The following DMTF1 variants were observed in gnomAD, a reference collection of about 807,000 sequenced individuals.
DMTF1 encodes the protein cyclin-D-binding Myb-like transcription factor 1.
In DMTF1, 39 loss-of-function variants were observed where a neutral mutation model predicts 91.1. The ratio of observed to expected loss-of-function variants is 0.43; its 90% CI spans 0.33 to 0.56. The LOEUF is 0.56. DMTF1 is among the 20% of genes least tolerant of loss of function. DMTF1 has a pLI of 0.05. For synonymous variants in DMTF1, 338 were observed against 309.5 expected, an observed-to-expected ratio of 1.09 and a Z score of -0.97; for missense variants, 750 against 914.5, an observed-to-expected ratio of 0.82 and a Z score of 2.32.
rs754127004 is a variant in DMTF1 at position 87,195,106 on chromosome 7, C to T, written c.2249C>T (p.Ser750Leu). The change falls in exon 18 of 18, where the codon TCA becomes TTA. Residue 750 changes from serine to leucine, a missense_variant. This residue lies in a region of DMTF1 where 410 missense variants were observed against 420.2 expected (regional missense o/e 0.98). Transcript: ENST00000331242. ...SSLGSPVSEDSKDVEDLVNCH is the reference protein window; with the variant it reads ...SSLGSPVSEDLKDVEDLVNCH ...TTGGGCAGTCCTGTTTCAGAAGATT[C>T]AAAGGATGTCGAAGATTTGGTAAAC... is the stretch of plus-strand genomic sequence containing the variant. 1.2e-6 allele frequency: 2 copies of T among 1,611,542 alleles called. No individual in the cohort carries two copies. Among genetic ancestry groups the T allele is most frequent in the Admixed American group, 1.7e-5 (1 of 59,798 alleles).
At chr7:87,175,167 T>A (rs753530841) in intron 7 of DMTF1, among the ~76,000 whole-genome samples, 2 of 151,932 alleles carry the variant, frequency 1.3e-5, no homozygotes, top group African/African-American at 2.4e-5. Context: ...ATTACAGGCA[T>A]GCACCACCAC....
chr7:87,183,590 T>C (rs1478809688), intron 10 of DMTF1, among the ~76,000 whole-genome samples: 2 of 152,194 alleles, frequency 1.3e-5, no homozygotes, highest in Non-Finnish European at 1.5e-5. Context: ...ATAATGAAAA[T>C]TCAATAAACA....
intron 14 of DMTF1, chr7:87,192,428 T>C (rs767570099): frequency 2.6e-5 from 4 of 152,028 alleles, no homozygotes; most frequent in South Asian, 2.1e-4. Context: ...CCAAACACTT[T>C]CCATGAGAAG....
chr7:87,189,683 C>T (rs1799298045), intron 13 of DMTF1, among the ~76,000 whole-genome samples: 1 of 152,054 alleles, frequency 6.6e-6, no homozygotes, highest in South Asian at 2.1e-4. Flanking sequence ...GGTTAGGGAA[C>T]AGGGATCAGC....
intron 10 of DMTF1, among the ~76,000 whole-genome samples, chr7:87,183,344 A>T (rs1399413022): frequency 1.3e-5 from 2 of 152,232 alleles, no homozygotes; most frequent in Non-Finnish European, 2.9e-5. Context: ...CTGTGAGTAC[A>T]GAACCCCTTT....
chr7:87,160,604 A>G (rs1792068180), intron 1 of DMTF1, among the ~76,000 whole-genome samples: 1 of 151,940 alleles, frequency 6.6e-6, no homozygotes, highest in African/African-American at 2.4e-5. Context: ...CCTACTTCTA[A>G]TTCTGTACAT....
At chr7:87,180,517 G>A (rs917043852) in intron 8 of DMTF1, among the ~76,000 whole-genome samples, 1 of 152,154 alleles carries the variant, frequency 6.6e-6, no homozygotes. Context: ...TTGAGTACTT[G>A]CCTACTGTAA....
intron 8 of DMTF1, among the ~76,000 whole-genome samples, chr7:87,180,621 T>C (rs1433015085): frequency 2.0e-5 from 3 of 152,164 alleles, no homozygotes; most frequent in African/African-American, 7.2e-5. Flanking sequence ...TTTCTGTAGA[T>C]TTTCTTTTTA....
At chr7:87,187,963 C>T in intron 12 of DMTF1, 129 bp from the exon 13 acceptor site, 1 of 626,248 alleles carries the variant, frequency 1.6e-6, no homozygotes, top group Non-Finnish European at 2.8e-6. Flanking sequence ...TTTTTATAAG[C>T]TCTCACATCC....
At position 87,179,422 on chromosome 7, in the gene DMTF1, G is replaced by A. The variant is rs57479987; in HGVS notation, c.520-123G>A. 6.1e-3 allele frequency: 4,045 copies of A among 667,716 alleles called. 138 individuals carry two copies. In the African/African-American group the frequency reaches 0.064, roughly 11 times the overall value. The allele number at this position is 667,716 out of a possible 1,614,324, so 41.4% of individuals were successfully genotyped here. A position where few individuals can be genotyped will look rare whatever the true frequency, so the allele number is the denominator to read the frequency against. On this transcript the variant is annotated intron_variant, in intron 7 of 17. Coordinates refer to ENST00000331242, the MANE Select transcript of DMTF1 (RefSeq NM_001142327.2). ...TTATATTTGATTTATTAATGAATTA[G>A]TGATATATTATTTTTCTAAATGCCG...
intron 5 of DMTF1, among the ~76,000 whole-genome samples, chr7:87,171,634 G>A (rs770042926): frequency 7.9e-5 from 12 of 152,162 alleles, no homozygotes; most frequent in Non-Finnish European, 1.5e-4. Context: ...TAATTTCTAA[G>A]CCTTATATAT....
intron 6 of DMTF1, 31 bp downstream of exon 6, chr7:87,173,680 G>A (rs1230758268): frequency 2.7e-6 from 4 of 1,458,378 alleles, no homozygotes; most frequent in Non-Finnish European, 2.8e-6. Context: ...TTAGTGCCTA[G>A]TGAAAAAAAA....
rs1801082202 is a variant in DMTF1, at chr7:87,195,631, T to C, written c.*491T>C. The C allele has an allele frequency of 6.5e-6, 1 of 153,100 alleles. No homozygotes were observed. Among genetic ancestry groups the C allele is most frequent in the South Asian group, 2.1e-4 (1 of 4,852 alleles). 9.5% of individuals were successfully genotyped at this position (153,100 alleles called of 1,614,324 possible). On this transcript the variant is annotated 3_prime_UTR_variant, in exon 18 of 18. Coordinates refer to ENST00000331242, the MANE Select transcript of DMTF1 (RefSeq NM_001142327.2). ...TTGAGACTTGACCAGCATACAAGTA[T>C]AGAGACCTAGGAGGTGGTCTTGTGG...
intron 10 of DMTF1, 23 bp from the exon 11 acceptor site, chr7:87,184,374 T>A (rs1584409729): frequency 6.2e-7 from 1 of 1,605,794 alleles, no homozygotes; most frequent in Non-Finnish European, 8.5e-7. Context: ...GCAGTGGTAG[T>A]CTGGATGATT....
intron 4 of DMTF1, among the ~76,000 whole-genome samples, chr7:87,167,788 A>G (rs1317379017): frequency 6.6e-6 from 1 of 152,136 alleles, no homozygotes; most frequent in East Asian, 1.9e-4. Flanking sequence ...AATCTTTCCT[A>G]ATTTGACTAT....
intron 1 of DMTF1, among the ~76,000 whole-genome samples, chr7:87,157,401 A>G (rs1170138608): frequency 6.6e-6 from 1 of 152,142 alleles, no homozygotes; most frequent in Admixed American, 6.5e-5. Flanking sequence ...CACTAATAGC[A>G]TCTAAACTCT....
intron 4 of DMTF1, 54 bp from the exon 5 acceptor site, chr7:87,170,941 A>T (rs958700230): frequency 5.0e-6 from 6 of 1,191,448 alleles, no homozygotes; most frequent in Non-Finnish European, 7.4e-6. Context: ...TATTTTTAGA[A>T]TAATTAGAAC....
chr7:87,174,999 CTTTGT>C (rs545263368), intron 7 of DMTF1, among the ~76,000 whole-genome samples: 23 of 150,146 alleles, frequency 1.5e-4, no homozygotes, highest in East Asian at 9.7e-4. Flanking sequence ...AGGTATGCAT[CTTTGT>C]TTTGTTTTGT....
intron 7 of DMTF1, among the ~76,000 whole-genome samples, chr7:87,176,010 G>GA (rs2129122804): frequency 6.6e-6 from 1 of 152,282 alleles, no homozygotes; most frequent in South Asian, 2.1e-4. Flanking sequence ...ATAGTGTTAT[G>GA]TCTAAAATGT....
Sources: gnomAD v4.1 joint callset for allele counts (sites outside exome capture counted in the v4.1 genomes callset) on GRCh38, gnomAD v4.1.1 for gene constraint, gnomAD v4.1.1 regional missense constraint, MANE v1.5 for transcripts, NCBI Gene and HGNC (gene_info 2026-07-23, HGNC 2026-07-21) for gene names.